The following PRTG variants were observed in gnomAD, a reference collection of about 807,000 sequenced individuals.
PRTG encodes protogenin, also known as immunoglobulin superfamily, DCC subclass, member 5.
Under a neutral mutation model 122.5 loss-of-function variants are expected in PRTG, and 67 were observed. The observed-to-expected ratio is 0.55, with a 90% confidence interval of 0.45 to 0.67. The LOEUF (loss-of-function observed/expected upper bound fraction) is 0.67. Ranked by LOEUF, PRTG falls within the 30% of genes least tolerant of loss-of-function variation. The pLI, the probability that PRTG is intolerant of heterozygous loss-of-function variation, is 0.00. For missense variants in PRTG, 1,435 were observed against 1,415.4 expected (o/e 1.01, Z -0.22); for synonymous variants, 554 against 501.1 (o/e 1.11, Z -1.41).
At chr15:55,735,899 C>G (rs577906115) in intron 2 of PRTG, among the ~76,000 whole-genome samples, 2 of 152,110 alleles carry the variant, frequency 1.3e-5, no homozygotes, top group East Asian at 3.9e-4. Flanking sequence ...CTTTAAGAAC[C>G]AAATGTCATT....
intron 2 of PRTG, among the ~76,000 whole-genome samples, chr15:55,709,180 A>G (rs1272679793): frequency 7.0e-6 from 1 of 142,110 alleles, no homozygotes; most frequent in Non-Finnish European, 1.5e-5. Context: ...AAAAAGAATT[A>G]CAGACGTTTT....
Position 55,612,885 on chromosome 15 carries a change from C to T in PRTG, c.*7127G>A, listed in dbSNP as rs1028946958. The T allele has an allele frequency of 6.6e-6, 1 of 151,574 alleles. No homozygotes were observed. The highest frequency in any genetic ancestry group is 2.4e-5 in the African/African-American group (1 of 41,158). The allele number at this position is 151,574 out of a possible 1,614,324, so 9.4% of individuals were successfully genotyped here. Reference sequence around the variant, plus strand: ...TATATCTTTTACCAACCACTTTCTTCTATTGGTTTTGTGTATGCGTACGGG... The same window carrying T: ...TATATCTTTTACCAACCACTTTCTTTTATTGGTTTTGTGTATGCGTACGGG... On this transcript the variant is annotated 3_prime_UTR_variant, in exon 20 of 20. Coordinates refer to ENST00000389286, the MANE Select transcript of PRTG (RefSeq NM_173814.6).
At chr15:55,666,472 A>G (rs2059439987) in intron 11 of PRTG, among the ~76,000 whole-genome samples, 1 of 152,230 alleles carries the variant, frequency 6.6e-6, no homozygotes, top group African/African-American at 2.4e-5. Context: ...CATTACAGAA[A>G]AAGTTTGCTT....
At chr15:55,695,910 G>A (rs997518311) in intron 2 of PRTG, among the ~76,000 whole-genome samples, 1 of 152,132 alleles carries the variant, frequency 6.6e-6, no homozygotes, top group African/African-American at 2.4e-5. Context: ...GGCAGAGGTT[G>A]CAGTGAGCCG....
At position 55,743,098 on chromosome 15, in the gene PRTG, T is replaced by C; in HGVS notation, c.-167A>G. ...GTCTCTGCGGCGGCGAGGCTGGTGC[T>C]CGGACGGCCGCTCGCGAGAAGCAAG... On this transcript the variant is annotated 5_prime_UTR_variant, in exon 1 of 20. Transcript: ENST00000389286. 2.3e-6 allele frequency: 3 copies of C among 1,278,704 alleles called. No individual in the cohort carries two copies. Among genetic ancestry groups the C allele is most frequent in the Non-Finnish European group, 2.9e-6 (3 of 1,017,236 alleles). 79.2% of individuals were successfully genotyped at this position (1,278,704 alleles called of 1,614,324 possible).
intron 11 of PRTG, among the ~76,000 whole-genome samples, chr15:55,653,303 C>G (rs1158206530): frequency 6.6e-6 from 1 of 152,076 alleles, no homozygotes; most frequent in Non-Finnish European, 1.5e-5. Flanking sequence ...TTGTTTTGCT[C>G]CCACCCCCCA....
In PRTG at chr15:55,620,243, C is replaced by A; in HGVS notation, c.3222G>T (p.Ala1074=). 1.9e-6 allele frequency: 3 copies of A among 1,613,914 alleles called. No homozygotes were observed. Among genetic ancestry groups the A allele is most frequent in the Non-Finnish European group, 2.5e-6 (3 of 1,179,996 alleles). The change falls in exon 20 of 20, where the codon GCG becomes GCT. Residue 1074 remains alanine (A), a synonymous_variant. Coordinates refer to ENST00000389286, the MANE Select transcript of PRTG (RefSeq NM_173814.6). Reference sequence around the variant, plus strand: ...TGGTGCCTGGCTGGTAAAAGCAGACCGCTGGAGTAAATCTTCTTTGAGGCT... The same window carrying A: ...TGGTGCCTGGCTGGTAAAAGCAGACAGCTGGAGTAAATCTTCTTTGAGGCT... The part of the protein sequence containing the change: ...VEQPQRRFTP[A]VCFYQPGTTV...
chr15:55,657,737 A>G (rs1175692286), intron 11 of PRTG, among the ~76,000 whole-genome samples: 1 of 152,226 alleles, frequency 6.6e-6, no homozygotes, highest in Non-Finnish European at 1.5e-5. Context: ...TAGCAATAGT[A>G]GAAGACCATA....
intron 15 of PRTG, among the ~76,000 whole-genome samples, chr15:55,630,426 C>T (rs1389627602): frequency 6.6e-6 from 1 of 152,092 alleles, no homozygotes; most frequent in Non-Finnish European, 1.5e-5. Flanking sequence ...CCCAGCCTGG[C>T]CTAATTATTG....
intron 1 of PRTG, 68 bp downstream of exon 1, chr15:55,742,770 T>C: frequency 6.6e-7 from 1 of 1,526,092 alleles, no homozygotes; most frequent in Non-Finnish European, 8.8e-7. Context: ...CGTTTCCTCT[T>C]TCCCCATCCC....
At chr15:55,631,399 C>A (rs1438722545) in intron 15 of PRTG, among the ~76,000 whole-genome samples, 8 of 152,148 alleles carry the variant, frequency 5.3e-5, no homozygotes, top group Admixed American at 3.9e-4. Flanking sequence ...GAAACTAAGT[C>A]TTTTCACTTA....
At chr15:55,710,614 A>C (rs1278726330) in intron 2 of PRTG, among the ~76,000 whole-genome samples, 1 of 152,168 alleles carries the variant, frequency 6.6e-6, no homozygotes, top group Non-Finnish European at 1.5e-5. Flanking sequence ...TTGGTCTAGG[A>C]TATTCACTAC....
At chr15:55,739,317 C>T (rs543753917) in intron 2 of PRTG, among the ~76,000 whole-genome samples, 1 of 149,902 alleles carries the variant, frequency 6.7e-6, no homozygotes, top group African/African-American at 2.5e-5. Flanking sequence ...CCAGGCTGGA[C>T]TCAAACTCCA....
intron 11 of PRTG, among the ~76,000 whole-genome samples, chr15:55,659,385 ACT>A (rs2059397198): frequency 6.6e-6 from 1 of 151,986 alleles, no homozygotes; most frequent in Non-Finnish European, 1.5e-5. Context: ...CCCTTCTTTC[ACT>A]ATCCCATCAG....
At chr15:55,729,656 C>A (rs925050661) in intron 2 of PRTG, among the ~76,000 whole-genome samples, 2 of 152,002 alleles carry the variant, frequency 1.3e-5, no homozygotes, top group East Asian at 3.9e-4. Context: ...AACTTTATAT[C>A]TTAATAAAAC....
chr15:55,685,694 A>G (rs1484347478), intron 2 of PRTG, among the ~76,000 whole-genome samples: 1 of 152,218 alleles, frequency 6.6e-6, no homozygotes, highest in Non-Finnish European at 1.5e-5. Flanking sequence ...TTTTCATTCT[A>G]AAATGAATTA....
rs759536800 is a variant in PRTG at position 55,678,054 on chromosome 15, GAA to G, written c.1134-12_1134-11del. The G allele has an allele frequency of 2.0e-6, 3 of 1,504,082 alleles. No homozygotes were observed. The highest frequency in any genetic ancestry group is 2.4e-5 in the South Asian group (2 of 82,204). The allele number at this position is 1,504,082 out of a possible 1,614,324, so 93.2% of individuals were successfully genotyped here. On this transcript the variant is annotated splice_polypyrimidine_tract_variant and intron_variant, in intron 7 of 19. Coordinates refer to ENST00000389286, the MANE Select transcript of PRTG (RefSeq NM_173814.6). Reference sequence around the variant, plus strand: ...GTTAATTACCAATTTACTAGGGAAAGAAAAAAAATTATTTCCATGAAAAATTC... The same window carrying G: ...GTTAATTACCAATTTACTAGGGAAAGAAAAAATTATTTCCATGAAAAATTC...
chr15:55,742,730 G>T, intron 1 of PRTG, 108 bp downstream of exon 1: 1 of 1,362,468 alleles, frequency 7.3e-7, no homozygotes, highest in Non-Finnish European at 1.0e-6. Flanking sequence ...CCACCACGGA[G>T]GACCCCGCCG....
intron 10 of PRTG, 26 bp downstream of exon 10, chr15:55,673,345 T>G (rs572470760): frequency 2.0e-6 from 3 of 1,536,734 alleles, no homozygotes. Flanking sequence ...AATACTGTAT[T>G]TTCTTAACAG....
Sources: gnomAD v4.1 joint callset for allele counts (sites outside exome capture counted in the v4.1 genomes callset) on GRCh38, gnomAD v4.1.1 for gene constraint, MANE v1.5 for transcripts, NCBI Gene and HGNC (gene_info 2026-07-23, HGNC 2026-07-21) for gene names.